Variants in TARS3 observed in about 807,000 individuals in gnomAD.
The protein encoded by TARS3 is threonyl-tRNA synthetase 3, also known as threonine--tRNA ligase 2, cytoplasmic.
In TARS3, 94 loss-of-function variants were observed where a neutral mutation model predicts 103.5. The ratio of observed to expected loss-of-function variants is 0.91; its 90% confidence interval spans 0.77 to 1.08. The LOEUF is 1.08. TARS3 is among the 50% of genes least tolerant of loss of function. TARS3 has a pLI of 0.00. For synonymous variants in TARS3, 416 were observed against 355.4 expected (o/e 1.17, Z -1.92); for missense variants, 952 against 995.2 (o/e 0.96, Z 0.58).
Position 101,657,043 on chromosome 15 carries a change from G to A in TARS3, c.2146-7C>T, listed in dbSNP as rs1897219430. On this transcript the variant is annotated splice_region_variant and splice_polypyrimidine_tract_variant and intron_variant, in intron 17 of 18. Transcript: ENST00000335968. The stretch of plus-strand genomic sequence containing the variant: ...CAAAAAATTCACTGGATACCTAGAA[G>A]AAAATGAAACACCTTTACTGTTACA... The A allele has an allele frequency of 1.3e-6, 2 of 1,581,270 alleles. No homozygotes were observed. The highest frequency in any genetic ancestry group is 1.7e-6 in the Non-Finnish European group (2 of 1,150,980).
At chr15:101,723,019 C>A in intron 2 of TARS3, 74 bp downstream of exon 2, 1 of 1,324,686 alleles carries the variant, frequency 7.5e-7, no homozygotes, top group Admixed American at 1.8e-5. Context: ...ATTGGAAATC[C>A]TAGGTAATTA....
Position 101,685,934 on chromosome 15 carries a change from G to A in TARS3, c.1449C>T (p.Asp483=), listed in dbSNP as rs755781719. 6 of 1,614,018 alleles carry A rather than the reference G, an allele frequency of 3.7e-6. No homozygotes were observed. Among genetic ancestry groups the A allele is most frequent in the Non-Finnish European group, 5.1e-6 (6 of 1,179,900 alleles). The change falls in exon 11 of 19, where the codon GAC becomes GAT. Residue 483 remains aspartate (D), a synonymous_variant. Transcript: ENST00000335968. The part of the protein sequence containing the change: ...ENMFTFEIEK[D]TFALKPMNCP... Reference sequence around the variant, plus strand: ...AATTCATGGGTTTGAGGGCAAAAGTGTCCTTTTCAATCTCAAAGGTAAACA... The same window carrying A: ...AATTCATGGGTTTGAGGGCAAAAGTATCCTTTTCAATCTCAAAGGTAAACA...
At chr15:101,696,392 T>C (rs1332203771) in intron 10 of TARS3, among the ~76,000 whole-genome samples, 1 of 152,092 alleles carries the variant, frequency 6.6e-6, no homozygotes, top group Non-Finnish European at 1.5e-5. Flanking sequence ...GAAGGGGACA[T>C]TCTTCAATCA....
At chr15:101,695,362 A>G (rs1898920001) in intron 10 of TARS3, among the ~76,000 whole-genome samples, 2 of 152,154 alleles carry the variant, frequency 1.3e-5, no homozygotes. Context: ...TGCCTTATGC[A>G]TTCTCTGACT....
At position 101,654,726 on chromosome 15, in the gene TARS3, A is replaced by G; in HGVS notation, c.2265T>C (p.Val755=). Residue 755 remains valine (V), a synonymous_variant, in exon 19 of 19, where the codon GTT becomes GTC. Transcript: ENST00000335968. ...CATTATCTATCTTTTCCTTTTCTCC[A>G]ACCACTGCAGAAAAGAAAGGTAAAG... ...QLAQYNFILV[V]GEKEKIDNAV... is the part of the protein sequence containing the mutation. 6.2e-7 allele frequency: 1 copy of G among 1,613,352 alleles called. No homozygotes were observed. Among genetic ancestry groups the G allele is most frequent in the African/African-American group, 1.3e-5 (1 of 74,984 alleles).
chr15:101,712,020 G>A lies in TARS3; in HGVS notation c.691-19C>T. 1 of 1,596,018 alleles carries A rather than the reference G, an allele frequency of 6.3e-7. No homozygotes were observed. Among genetic ancestry groups the A allele is most frequent in the Non-Finnish European group, 8.5e-7 (1 of 1,172,932 alleles). On this transcript the variant is annotated intron_variant, in intron 4 of 18. Coordinates refer to ENST00000335968, the MANE Select transcript of TARS3 (RefSeq NM_152334.3). Reference sequence around the variant, plus strand: ...AGTACACCTGCATGGCATGGACAAAGAGGCCATTAGCTACCAAAAGTATGT... The same window carrying A: ...AGTACACCTGCATGGCATGGACAAAAAGGCCATTAGCTACCAAAAGTATGT...
intron 3 of TARS3, among the ~76,000 whole-genome samples, chr15:101,717,787 G>A (rs1424661128): frequency 5.3e-5 from 8 of 152,220 alleles, no homozygotes; most frequent in Admixed American, 5.2e-4. Flanking sequence ...CGTCTAGACT[G>A]CTATATGAAA....
intron 12 of TARS3, among the ~76,000 whole-genome samples, chr15:101,678,607 C>T (rs573480511): frequency 1.3e-5 from 2 of 152,160 alleles, no homozygotes; most frequent in South Asian, 2.1e-4. Flanking sequence ...TTCCCTATAC[C>T]TTACCCCATT....
intron 15 of TARS3, among the ~76,000 whole-genome samples, chr15:101,667,061 C>T (rs1897607669): frequency 6.6e-6 from 1 of 152,106 alleles, no homozygotes; most frequent in Non-Finnish European, 1.5e-5. Flanking sequence ...CCTTGTACGT[C>T]TCCATCAGAG....
Position 101,685,969 on chromosome 15 carries a change from T to C in TARS3, c.1414A>G (p.Ser472Gly). The C allele has an allele frequency of 6.2e-7, 1 of 1,614,130 alleles. No individual in the cohort carries two copies. The highest frequency in any genetic ancestry group is 1.1e-5 in the South Asian group (1 of 91,076). ...ATCTCAAAGGTAAACATGTTCTCGC[T>C]GTAATGCTGCCAGTGGCCTGAGGCT... ...WEASGHWQHY[S>G]ENMFTFEIEK... The change falls in exon 11 of 19, where the codon AGC becomes GGC. Residue 472 changes from serine (S) to glycine (G), a missense_variant. This residue lies in a region of TARS3 where 540 missense variants were observed against 631.0 expected (regional missense o/e 0.86). Transcript: ENST00000335968.
At chr15:101,654,801 TG>T (rs1786377373) in intron 18 of TARS3, 71 bp from the exon 19 acceptor site, 1 of 1,433,880 alleles carries the variant, frequency 7.0e-7, no homozygotes, top group South Asian at 1.2e-5. Flanking sequence ...AGCAGTCCCA[TG>T]ACATGTTTTT....
At chr15:101,703,316 G>A (rs765372171) in intron 8 of TARS3, among the ~76,000 whole-genome samples, 13 of 152,248 alleles carry the variant, frequency 8.5e-5, no homozygotes, top group African/African-American at 2.4e-4. Flanking sequence ...AAGGCCAGGC[G>A]CAGTGGCTCA....
At chr15:101,679,466 C>A (rs1016781536) in intron 12 of TARS3, among the ~76,000 whole-genome samples, 8 of 151,326 alleles carry the variant, frequency 5.3e-5, no homozygotes, top group African/African-American at 1.7e-4. Context: ...TTTATATCTT[C>A]TATTTCTTTC....
chr15:101,721,019 A>T, intron 3 of TARS3, 107 bp downstream of exon 3: 1 of 898,178 alleles, frequency 1.1e-6, no homozygotes, highest in African/African-American at 1.6e-5. Flanking sequence ...ATGTCCTTTT[A>T]GTATCGTGAG....
Position 101,724,131 on chromosome 15 carries a change from T to C in TARS3, c.257A>G (p.Glu86Gly), listed in dbSNP as rs537199138. The C allele has an allele frequency of 8.4e-6, 12 of 1,435,334 alleles. No homozygotes were observed. In the South Asian group the frequency reaches 1.7e-4, roughly 20 times the overall value. 88.9% of individuals were successfully genotyped at this position (1,435,334 alleles called of 1,614,324 possible). ...CTGCGCCGCCTCTAGCTCCGCGCTC[T>C]CCAGCGTGGCCTGGCGGCTCCGCTC... The part of the protein sequence containing the change: ...AEERSRQATL[E>G]SAELEAAQEA... Residue 86 changes from glutamate to glycine, a missense_variant, in exon 1 of 19, where the codon GAG becomes GGG. Around this residue, in one of 2 missense-constraint regions of TARS3, gnomAD observed 412 missense variants for 364.2 expected, o/e 1.13. Coordinates refer to ENST00000335968, the MANE Select transcript of TARS3 (RefSeq NM_152334.3).
chr15:101,702,999 C>T (rs1899358479), intron 8 of TARS3, among the ~76,000 whole-genome samples: 1 of 152,134 alleles, frequency 6.6e-6, no homozygotes, highest in African/African-American at 2.4e-5. Flanking sequence ...GCAGAACAGA[C>T]AGTAGGTATG....
intron 6 of TARS3, among the ~76,000 whole-genome samples, chr15:101,707,635 T>A (rs1460198783): frequency 2.0e-5 from 3 of 151,266 alleles, no homozygotes; most frequent in Non-Finnish European, 1.5e-5. Flanking sequence ...TGATATGAAG[T>A]GCCTGGAGGA....
chr15:101,711,230 G>A (rs887666652), intron 5 of TARS3, among the ~76,000 whole-genome samples: 12 of 151,790 alleles, frequency 7.9e-5, no homozygotes, highest in Non-Finnish European at 1.3e-4. Context: ...TATTCTTCTG[G>A]GGACAAAAAA....
intron 12 of TARS3, among the ~76,000 whole-genome samples, chr15:101,677,656 G>C (rs1348341143): frequency 6.6e-6 from 1 of 152,026 alleles, no homozygotes; most frequent in South Asian, 2.1e-4. Context: ...ATGCCACCAC[G>C]CCTGGCTAAT....
Sources: gnomAD v4.1 joint callset for allele counts (sites outside exome capture counted in the v4.1 genomes callset) on GRCh38, gnomAD v4.1.1 for gene constraint, gnomAD v4.1.1 regional missense constraint, MANE v1.5 for transcripts, NCBI Gene and HGNC (gene_info 2026-07-23, HGNC 2026-07-21) for gene names.